The following FARP1 variants were observed in gnomAD, a reference collection of about 807,000 sequenced individuals.
The protein encoded by FARP1 is FERM, ARHGEF and pleckstrin domain-containing protein 1.
FARP1 carries 52 observed loss-of-function variants against 128.8 expected under a neutral mutation model. The observed-to-expected ratio is 0.40, with a 90% CI of 0.32 to 0.51. The LOEUF (loss-of-function observed/expected upper bound fraction) is 0.51, where lower values mean the gene tolerates loss of function less well. FARP1 is among the 20% of genes least tolerant of loss of function. The pLI, the probability that FARP1 is intolerant of heterozygous loss-of-function variation, is 0.45. For missense variants in FARP1, 1,333 were observed against 1,367.9 expected, an observed-to-expected ratio of 0.97 and a Z score of 0.40; for synonymous variants, 580 against 551.8, an observed-to-expected ratio of 1.05 and a Z score of -0.72.
chr13:98,286,465 GAGTA>G (rs891444626), intron 2 of FARP1, among the ~76,000 whole-genome samples: 10 of 152,174 alleles, frequency 6.6e-5, no homozygotes, highest in Admixed American at 6.5e-4. Flanking sequence ...TCATGGTAGT[GAGTA>G]AGTCTCACAC....
At chr13:98,327,551 A>C (rs1469913896) in intron 2 of FARP1, among the ~76,000 whole-genome samples, 1 of 152,248 alleles carries the variant, frequency 6.6e-6, no homozygotes, top group African/African-American at 2.4e-5. Flanking sequence ...TCTCTTGGCC[A>C]GATTTTAAAA....
chr13:98,208,728 C>T (rs973447661), intron 1 of FARP1: 14 of 152,616 alleles, frequency 9.2e-5, no homozygotes, highest in Admixed American at 2.6e-4. Context: ...TAGACATGTT[C>T]GATGGAAGGA....
chr13:98,206,130 C>T (rs1263668134), intron 1 of FARP1, among the ~76,000 whole-genome samples: 2 of 151,610 alleles, frequency 1.3e-5, no homozygotes, highest in African/African-American at 4.9e-5. Flanking sequence ...AGTGGGCCAG[C>T]AGACAGAGCC....
chr13:98,260,119 C>CA (rs1423846039), intron 2 of FARP1, among the ~76,000 whole-genome samples: 1 of 152,144 alleles, frequency 6.6e-6, no homozygotes, highest in Admixed American at 6.5e-5. Flanking sequence ...GTAAGCCTTA[C>CA]ATTGGGTAAA....
At chr13:98,264,796 A>G (rs533519923) in intron 2 of FARP1, among the ~76,000 whole-genome samples, 3 of 152,292 alleles carry the variant, frequency 2.0e-5, no homozygotes, top group African/African-American at 7.2e-5. Flanking sequence ...TTACTATTCA[A>G]TAGTAATAAT....
intron 5 of FARP1, among the ~76,000 whole-genome samples, chr13:98,369,212 A>G (rs944835375): frequency 3.3e-5 from 5 of 152,174 alleles, no homozygotes; most frequent in Admixed American, 6.5e-5. Context: ...TGCGTGAGCC[A>G]CTGCGCCCAA....
At chr13:98,410,511 C>T (rs557128001) in intron 14 of FARP1, among the ~76,000 whole-genome samples, 1 of 152,322 alleles carries the variant, frequency 6.6e-6, no homozygotes, top group South Asian at 2.1e-4. Flanking sequence ...TAGCTCCTCA[C>T]ATGAAACGGA....
chr13:98,437,340 G>A (rs368889420), intron 19 of FARP1, among the ~76,000 whole-genome samples: 7 of 152,278 alleles, frequency 4.6e-5, no homozygotes, highest in East Asian at 1.9e-4. Flanking sequence ...TCCTGTAATC[G>A]CTCCGTGTCG....
At chr13:98,400,253 C>T (rs1389784076) in intron 13 of FARP1, 1 of 152,222 alleles carries the variant, frequency 6.6e-6, no homozygotes, top group Non-Finnish European at 1.5e-5. Context: ...CCAGTCTGCT[C>T]TGAATGTGCA....
chr13:98,373,645 G>A (rs1889457438), intron 5 of FARP1, among the ~76,000 whole-genome samples: 1 of 151,798 alleles, frequency 6.6e-6, no homozygotes, highest in African/African-American at 2.4e-5. Context: ...AATTAGGGAG[G>A]TCAGAGAAAG....
intron 1 of FARP1, among the ~76,000 whole-genome samples, chr13:98,148,446 A>G (rs1875736969): frequency 6.6e-6 from 1 of 152,198 alleles, no homozygotes; most frequent in South Asian, 2.1e-4. Flanking sequence ...GCCACCTGTT[A>G]CTGACTCCTA....
chr13:98,301,334 T>A (rs1456573579), intron 2 of FARP1, among the ~76,000 whole-genome samples: 1 of 151,404 alleles, frequency 6.6e-6, no homozygotes, highest in Non-Finnish European at 1.5e-5. Flanking sequence ...CTGAAAGTTC[T>A]GTAGGTGAAG....
chr13:98,210,635 C>T (rs925094703), intron 1 of FARP1, among the ~76,000 whole-genome samples: 6 of 151,982 alleles, frequency 3.9e-5, no homozygotes, highest in Admixed American at 6.6e-5. Flanking sequence ...CTGCAACCTC[C>T]GCCTTCCGGG....
intron 1 of FARP1, chr13:98,177,241 G>C: frequency 6.5e-7 from 1 of 1,544,810 alleles, no homozygotes; most frequent in African/African-American, 1.4e-5. Context: ...TGCCATGTTT[G>C]AGTCTCAGGC....
At chr13:98,228,233 G>A (rs1241935762) in intron 2 of FARP1, among the ~76,000 whole-genome samples, 2 of 152,158 alleles carry the variant, frequency 1.3e-5, no homozygotes, top group South Asian at 2.1e-4. Context: ...GGTGGCGGGC[G>A]CCTGTAATCC....
chr13:98,395,751 C>T (rs1009886528), intron 13 of FARP1: 2 of 421,994 alleles, frequency 4.7e-6, no homozygotes, highest in Non-Finnish European at 4.2e-6. Context: ...TCCTTGATGA[C>T]GATTCAGCAG....
At chr13:98,280,064 CA>C (rs1884856532) in intron 2 of FARP1, among the ~76,000 whole-genome samples, 1 of 152,188 alleles carries the variant, frequency 6.6e-6, no homozygotes, top group Admixed American at 6.5e-5. Context: ...TGCTCCCAGC[CA>C]TGCATGTCGC....
At chr13:98,267,519 G>A (rs373445259) in intron 2 of FARP1, among the ~76,000 whole-genome samples, 2 of 152,090 alleles carry the variant, frequency 1.3e-5, no homozygotes, top group East Asian at 1.9e-4. Flanking sequence ...TTGGACTCTC[G>A]GCCTATGGAG....
chr13:98,417,759 G>C (rs1291953943), intron 16 of FARP1, among the ~76,000 whole-genome samples: 1 of 152,204 alleles, frequency 6.6e-6, no homozygotes, highest in Non-Finnish European at 1.5e-5. Context: ...GATGCTAGGT[G>C]GCTGAAATGG....
Sources: gnomAD v4.1 joint callset for allele counts (sites outside exome capture counted in the v4.1 genomes callset) on GRCh38, gnomAD v4.1.1 for gene constraint, MANE v1.5 for transcripts, NCBI Gene and HGNC (gene_info 2026-07-23, HGNC 2026-07-21) for gene names.